The following WDFY4 variants were observed in gnomAD, a reference collection of about 807,000 sequenced individuals.
The protein encoded by WDFY4 is WD repeat- and FYVE domain-containing protein 4.
WDFY4 carries 169 observed loss-of-function variants against 351.9 expected under a neutral mutation model. The observed-to-expected ratio is 0.48, with a 90% CI of 0.42 to 0.55. The LOEUF (loss-of-function observed/expected upper bound fraction) is 0.55. Among genes scored for constraint, WDFY4 ranks in the 20% least tolerant of loss-of-function variants. The pLI, the probability that WDFY4 is intolerant of heterozygous loss-of-function variation, is 0.00. For synonymous variants in WDFY4, 1,622 were observed against 1,574.6 expected (o/e 1.03, Z -0.71); for missense variants, 3,803 against 3,935.6 (o/e 0.97, Z 0.90).
chr10:48,842,183 A>G (rs533217853), intron 39 of WDFY4, among the ~76,000 whole-genome samples: 8 of 152,006 alleles, frequency 5.3e-5, no homozygotes, highest in East Asian at 1.9e-4. Flanking sequence ...TTTAAGAGAG[A>G]CTGTCCTTTG....
intron 24 of WDFY4, among the ~76,000 whole-genome samples, chr10:48,800,731 T>TC: frequency 1.8e-5 from 1 of 56,410 alleles, no homozygotes; most frequent in Middle Eastern, 7.9e-3. Context: ...TCATTCTTTC[T>TC]TTTTTTTTTT....
chr10:48,914,925 C>G (rs1213275098), intron 47 of WDFY4, among the ~76,000 whole-genome samples: 1 of 152,178 alleles, frequency 6.6e-6, no homozygotes, highest in Non-Finnish European at 1.5e-5. Flanking sequence ...CATCTCCTGC[C>G]CATTCTCTCA....
At chr10:48,968,979 T>A in intron 55 of WDFY4, 85 bp from the exon 56 acceptor site, 1 of 1,391,500 alleles carries the variant, frequency 7.2e-7, no homozygotes, top group South Asian at 1.3e-5. Flanking sequence ...GTCCAGTGTG[T>A]CTGCCTGTGA....
chr10:48,883,075 C>T (rs979816021), intron 43 of WDFY4, among the ~76,000 whole-genome samples: 18 of 152,330 alleles, frequency 1.2e-4, no homozygotes, highest in African/African-American at 1.9e-4. Context: ...CCTCAGCAGC[C>T]GGCTGTTATT....
chr10:48,895,037 AGAG>A (rs1308509900), intron 44 of WDFY4, among the ~76,000 whole-genome samples: 2 of 152,254 alleles, frequency 1.3e-5, no homozygotes, highest in Admixed American at 1.3e-4. Context: ...AATGCGGCTT[AGAG>A]GAGAGGGCCT....
chr10:48,787,868 T>TTCC (rs1178608536), intron 20 of WDFY4, among the ~76,000 whole-genome samples: 3 of 104,086 alleles, frequency 2.9e-5, no homozygotes, highest in African/African-American at 1.7e-4. Flanking sequence ...TTTCTTCTTC[T>TTCC]TTCTTCTTTC....
chr10:48,741,465 AAAAAAAAAAAAAAAAT>A (rs1320748601), intron 11 of WDFY4, among the ~76,000 whole-genome samples: 1 of 149,784 alleles, frequency 6.7e-6, no homozygotes, highest in African/African-American at 2.5e-5. Flanking sequence ...AAAAAAAAAA[AAAAAAAAAAAAAAAAT>A]GGAGCTCCCA....
intron 60 of WDFY4, 51 bp downstream of exon 60, chr10:48,978,444 C>A: frequency 6.7e-7 from 1 of 1,484,982 alleles, no homozygotes; most frequent in Non-Finnish European, 9.1e-7. Context: ...CTGCCCTCCT[C>A]ACCTCCCCTC....
chr10:48,910,163 A>T, intron 47 of WDFY4: 1 of 1,370,458 alleles, frequency 7.3e-7, no homozygotes, highest in Non-Finnish European at 1.0e-6. Flanking sequence ...GTCTTCTCCT[A>T]ACTGGGGGCT....
intron 35 of WDFY4, chr10:48,824,183 G>A (rs2133015774): frequency 1.0e-6 from 1 of 985,404 alleles, no homozygotes; most frequent in Non-Finnish European, 1.2e-6. Context: ...TGATATGGTG[G>A]TTAAGAGCGT....
intron 47 of WDFY4, among the ~76,000 whole-genome samples, chr10:48,937,403 A>G (rs2133729677): frequency 6.6e-6 from 1 of 152,294 alleles, no homozygotes; most frequent in South Asian, 2.1e-4. Context: ...TCCTGGAGCA[A>G]GATCTGGTCC....
intron 13 of WDFY4, among the ~76,000 whole-genome samples, chr10:48,767,655 C>T (rs570802765): frequency 1.4e-4 from 22 of 152,134 alleles, no homozygotes; most frequent in Admixed American, 3.9e-4. Flanking sequence ...TCAGCTTGAG[C>T]GAGGGATCAG....
At chr10:48,896,367 C>T (rs1388481536) in intron 44 of WDFY4, among the ~76,000 whole-genome samples, 1 of 152,332 alleles carries the variant, frequency 6.6e-6, no homozygotes, top group Middle Eastern at 3.4e-3. Context: ...TATGGCCCCA[C>T]TGGGAGTCAG....
chr10:48,947,007 C>A (rs1335315548), intron 51 of WDFY4, 38 bp downstream of exon 51: 1 of 1,363,664 alleles, frequency 7.3e-7, no homozygotes. Context: ...CACACACACA[C>A]ACACACACAC....
intron 17 of WDFY4, 67 bp downstream of exon 17, chr10:48,777,562 G>T (rs2066074766): frequency 2.1e-6 from 3 of 1,428,218 alleles, no homozygotes; most frequent in Non-Finnish European, 2.9e-6. Flanking sequence ...AGATAGCCTT[G>T]ATTGCAGATT....
At chr10:48,802,811 C>A (rs746179247) in intron 24 of WDFY4, 1 of 473,216 alleles carries the variant, frequency 2.1e-6, no homozygotes, top group Admixed American at 2.3e-5. Flanking sequence ...CAGTGTAAAA[C>A]CTGAAAATCT....
intron 50 of WDFY4, 60 bp downstream of exon 50, chr10:48,946,217 T>G (rs1436551201): frequency 1.5e-6 from 2 of 1,309,746 alleles, no homozygotes; most frequent in Non-Finnish European, 2.1e-6. Flanking sequence ...CCTAAAATGA[T>G]AGTTGATAAC....
In WDFY4 at chr10:48,725,930, C is replaced by T. The variant is rs1352030063; in HGVS notation, c.641C>T (p.Ser214Leu). 7.7e-6 allele frequency: 12 copies of T among 1,551,540 alleles called. No individual in the cohort carries two copies. The highest frequency in any genetic ancestry group is 1.0e-5 in the Non-Finnish European group (12 of 1,146,846). Residue 214 changes from serine to leucine, a missense_variant, in exon 6 of 62, where the codon TCA (serine) becomes TTA (leucine). Coordinates refer to ENST00000325239, the MANE Select transcript of WDFY4 (RefSeq NM_001394531.1). ...SDSQGLEGLL[S>L]GSELQSLLIA... is the part of the protein sequence containing the mutation. ...TCTCAGGGCCTGGAGGGACTCCTCT[C>T]AGGAAGTGAGCTGCAGTCTCTGCTG...
At chr10:48,874,799 G>C (rs959064477) in intron 41 of WDFY4, among the ~76,000 whole-genome samples, 2 of 152,190 alleles carry the variant, frequency 1.3e-5, no homozygotes, top group African/African-American at 4.8e-5. Context: ...CCTACACAGA[G>C]ACATTGAGGA....
Sources: gnomAD v4.1 joint callset for allele counts (sites outside exome capture counted in the v4.1 genomes callset) on GRCh38, gnomAD v4.1.1 for gene constraint, MANE v1.5 for transcripts, NCBI Gene and HGNC (gene_info 2026-07-23, HGNC 2026-07-21) for gene names.